Variants in FILIP1L observed in about 807,000 individuals in gnomAD.
FILIP1L encodes the protein filamin A interacting protein 1 like, also known as filamin A-interacting protein 1-like.
A neutral mutation model predicts 96.6 loss-of-function variants in FILIP1L; 55 were observed. The observed-to-expected ratio is 0.57, with a 90% CI of 0.46 to 0.71. The LOEUF (loss-of-function observed/expected upper bound fraction) is 0.71, where lower values mean the gene tolerates loss of function less well. Ranked by LOEUF, FILIP1L falls within the 30% of genes least tolerant of loss-of-function variation. The pLI is 0.00. For missense variants in FILIP1L, 1,304 were observed against 1,321.2 expected (o/e 0.99, Z 0.20); for synonymous variants, 467 against 473.9 (o/e 0.99, Z 0.19).
chr3:99,849,494 C>T lies in FILIP1L; in HGVS notation c.2182G>A (p.Glu728Lys), dbSNP rs749879867. The change falls in exon 5 of 6, where the codon GAA becomes AAA. Residue 728 changes from glutamate (E) to lysine (K), a missense_variant. Physicochemically the swap from Glu to Lys is moderately conservative, Grantham distance 56. Transcript: ENST00000477258. ...ATTAGGTCTTCAGTTGCCATGTATT[C>T]ATGAATTTTCTCTTTTAATGCATCC... Reference protein sequence around the residue: ...EVDALKEKIHEYMATEDLICH... With the variant: ...EVDALKEKIHKYMATEDLICH... 6.8e-6 allele frequency: 11 copies of T among 1,613,188 alleles called. No homozygotes were observed. In the East Asian group the frequency reaches 2.5e-4, roughly 36 times the overall value.
At chr3:100,003,259 C>A (rs531353802) in intron 1 of FILIP1L, among the ~76,000 whole-genome samples, 1 of 152,298 alleles carries the variant, frequency 6.6e-6, no homozygotes, top group Admixed American at 6.5e-5. Flanking sequence ...AATGTTAGAA[C>A]TGGCAAGTTA....
intron 1 of FILIP1L, among the ~76,000 whole-genome samples, chr3:100,099,539 A>G (rs1470464381): frequency 1.3e-5 from 2 of 152,166 alleles, no homozygotes; most frequent in African/African-American, 4.8e-5. Flanking sequence ...CTAATTATGT[A>G]TCCTTAACTA....
At chr3:100,021,297 T>G (rs1177409175) in intron 1 of FILIP1L, among the ~76,000 whole-genome samples, 1 of 152,166 alleles carries the variant, frequency 6.6e-6, no homozygotes, top group Non-Finnish European at 1.5e-5. Flanking sequence ...TTCTTTGGAG[T>G]TGTTAAAAAG....
At position 99,849,171 on chromosome 3, in the gene FILIP1L, G is replaced by C; in HGVS notation, c.2505C>G (p.Asp835Glu). The C allele has an allele frequency of 1.2e-6, 2 of 1,614,072 alleles. No individual in the cohort carries two copies. Among genetic ancestry groups the C allele is most frequent in the Non-Finnish European group, 1.7e-6 (2 of 1,179,996 alleles). The change falls in exon 5 of 6, where the codon GAC (aspartate) becomes GAG (glutamate). Residue 835 changes from aspartate to glutamate, a missense_variant. By Grantham distance (45) the Asp-to-Glu change is conservative (BLOSUM62 2). Transcript: ENST00000477258. ...GQLYEESENQ[D>E]EDPNDEGSVL... ...CAGATCCCTCATCATTAGGGTCCTC[G>C]TCTTGATTCTCACTCTCCTCATATA...
At chr3:100,090,241 T>C (rs1452389935) in intron 1 of FILIP1L, among the ~76,000 whole-genome samples, 1 of 152,220 alleles carries the variant, frequency 6.6e-6, no homozygotes, top group African/African-American at 2.4e-5. Flanking sequence ...TGTTTGCTAT[T>C]GTTTTCTTCA....
chr3:99,965,326 C>T (rs1007097526), intron 1 of FILIP1L, among the ~76,000 whole-genome samples: 11 of 152,116 alleles, frequency 7.2e-5, no homozygotes, highest in Admixed American at 7.2e-4. Flanking sequence ...GAAAGGTTGG[C>T]CTGTGTTCTT....
rs185630662 is a variant in FILIP1L, at chr3:99,944,918, G to A, written c.-10-13888C>T. Among the ~76,000 whole-genome samples, 122 of 152,302 alleles carry A rather than the reference G, an allele frequency of 8.0e-4. 2 individuals carry two copies. The highest frequency in any genetic ancestry group is 5.8e-3 in the Admixed American group (89 of 15,304). On this transcript the variant is annotated intron_variant, in intron 1 of 5. Coordinates refer to ENST00000477258, the MANE Select transcript of FILIP1L (RefSeq NM_001387850.1). ...AAAGCCTAGGTTTGGTCAAATCTGC[G>A]ATGAAGGCACAGAGTGAATTAAATT...
At chr3:100,014,205 TTA>T (rs1484837961) in intron 1 of FILIP1L, among the ~76,000 whole-genome samples, 1 of 150,920 alleles carries the variant, frequency 6.6e-6, no homozygotes, top group Non-Finnish European at 1.5e-5. Context: ...TATATATATA[TTA>T]TATATATATC....
intron 5 of FILIP1L, among the ~76,000 whole-genome samples, chr3:99,845,489 C>T (rs558315115): frequency 1.3e-5 from 2 of 152,246 alleles, no homozygotes; most frequent in African/African-American, 2.4e-5. Context: ...CCTCCACCCC[C>T]ACATATTTCA....
chr3:100,041,846 A>G (rs1048862002), intron 1 of FILIP1L, among the ~76,000 whole-genome samples: 13 of 152,200 alleles, frequency 8.5e-5, no homozygotes, highest in Non-Finnish European at 1.9e-4. Flanking sequence ...TCTTCTTTCA[A>G]CATGAAAGTA....
In FILIP1L at chr3:99,849,945, T is replaced by C; in HGVS notation, c.1731A>G (p.Lys577=). The C allele has an allele frequency of 6.2e-7, 1 of 1,613,170 alleles. No individual in the cohort carries two copies. Among genetic ancestry groups the C allele is most frequent in the South Asian group, 1.1e-5 (1 of 90,664 alleles). Residue 577 remains lysine, a synonymous_variant, in exon 5 of 6, where the codon AAA becomes AAG. Coordinates refer to ENST00000477258, the MANE Select transcript of FILIP1L (RefSeq NM_001387850.1). ...LKNKLKAEEE[K]GNDLLSRVNM... is the part of the protein sequence containing the mutation. ...TAACTCTTGACAGGAGATCATTTCC[T>C]TTCTCTTCTTCCGCTTTCAATTTGT...
At chr3:100,089,972 G>A (rs896883864) in intron 1 of FILIP1L, among the ~76,000 whole-genome samples, 2 of 152,182 alleles carry the variant, frequency 1.3e-5, no homozygotes, top group African/African-American at 4.8e-5. Context: ...GGAGGAAATA[G>A]TACACTCATC....
chr3:99,921,046 G>T (rs187262235), intron 4 of FILIP1L, among the ~76,000 whole-genome samples: 1 of 152,152 alleles, frequency 6.6e-6, no homozygotes, highest in Non-Finnish European at 1.5e-5. Flanking sequence ...TGCTGGGAGG[G>T]TTGCTAGTTT....
chr3:100,008,765 T>C (rs1175487707), intron 1 of FILIP1L, among the ~76,000 whole-genome samples: 16 of 152,204 alleles, frequency 1.1e-4, no homozygotes, highest in Admixed American at 6.5e-5. Context: ...AGGAGGAGTA[T>C]TGTCTTGCTC....
At chr3:99,872,864 T>C (rs554003002) in intron 4 of FILIP1L, among the ~76,000 whole-genome samples, 3 of 152,086 alleles carry the variant, frequency 2.0e-5, no homozygotes, top group South Asian at 4.2e-4. Flanking sequence ...TTGCCCAGCT[T>C]TCCCAGGCAG....
intron 4 of FILIP1L, among the ~76,000 whole-genome samples, chr3:99,891,672 G>A (rs1205619171): frequency 1.3e-5 from 2 of 151,976 alleles, no homozygotes; most frequent in Non-Finnish European, 2.9e-5. Flanking sequence ...ATCTCATACC[G>A]AAAATCAGCC....
intron 4 of FILIP1L, among the ~76,000 whole-genome samples, chr3:99,856,584 T>C (rs1322962293): frequency 6.6e-6 from 1 of 152,228 alleles, no homozygotes; most frequent in Non-Finnish European, 1.5e-5. Flanking sequence ...AGCTTTCCGT[T>C]AGAGTTTCTA....
At chr3:99,843,880 C>T (rs570660728) in intron 5 of FILIP1L, among the ~76,000 whole-genome samples, 2 of 152,294 alleles carry the variant, frequency 1.3e-5, no homozygotes, top group South Asian at 4.1e-4. Flanking sequence ...CATAGGAGCA[C>T]GAACCCTATT....
chr3:99,970,961 G>T (rs1206936510), intron 1 of FILIP1L, among the ~76,000 whole-genome samples: 4 of 152,214 alleles, frequency 2.6e-5, no homozygotes, highest in African/African-American at 7.2e-5. Flanking sequence ...GCTTGGCAGT[G>T]CTCCTACCTG....
Sources: allele counts gnomAD v4.1 joint callset (sites outside exome capture counted in the v4.1 genomes callset), GRCh38; gene constraint gnomAD v4.1.1; transcripts MANE v1.5; gene names NCBI Gene and HGNC (gene_info 2026-07-23, HGNC 2026-07-21).